The following WIF1 variants were observed in gnomAD, a reference collection of about 807,000 sequenced individuals.
WIF1 encodes the protein Wnt inhibitory factor 1.
Under a neutral mutation model 53.5 loss-of-function variants are expected in WIF1, and 35 were observed. The observed-to-expected ratio is 0.65, with a 90% CI of 0.50 to 0.87. The LOEUF is 0.87. Among genes scored for constraint, WIF1 ranks in the 40% least tolerant of loss-of-function variants. The pLI is 0.00. For missense variants in WIF1, 467 were observed against 476.8 expected (o/e 0.98, Z 0.19); for synonymous variants, 171 against 170.4 (o/e 1.00, Z -0.03).
chr12:65,120,818 AG>A, intron 1 of WIF1: 1 of 851,854 alleles, frequency 1.2e-6, no homozygotes, highest in African/African-American at 1.7e-5. Flanking sequence ...CTAAAAACGC[AG>A]GGCTATAAAA....
chr12:65,095,419 C>T (rs571605239), intron 2 of WIF1, among the ~76,000 whole-genome samples: 1 of 152,240 alleles, frequency 6.6e-6, no homozygotes, highest in South Asian at 2.1e-4. Context: ...ATTAGAAATA[C>T]TCACAATACA....
At chr12:65,087,838 G>C (rs911511716) in intron 2 of WIF1, among the ~76,000 whole-genome samples, 1 of 151,936 alleles carries the variant, frequency 6.6e-6, no homozygotes, top group Non-Finnish European at 1.5e-5. Context: ...GAAAAAAAAA[G>C]TCTGTAACCT....
chr12:65,064,270 C>T (rs1882655513), intron 6 of WIF1, among the ~76,000 whole-genome samples: 1 of 152,182 alleles, frequency 6.6e-6, no homozygotes, highest in African/African-American at 2.4e-5. Flanking sequence ...AATTTGGCCA[C>T]ACTCTTAGTA....
At chr12:65,060,995 G>GAAAAT (rs1882603087) in intron 7 of WIF1, among the ~76,000 whole-genome samples, 1 of 152,166 alleles carries the variant, frequency 6.6e-6, no homozygotes, top group South Asian at 2.1e-4. Context: ...TTACATGAAG[G>GAAAAT]AAAATGAGCC....
chr12:65,111,636 C>A, intron 2 of WIF1, among the ~76,000 whole-genome samples: 1 of 152,180 alleles, frequency 6.6e-6, no homozygotes, highest in South Asian at 2.1e-4. Flanking sequence ...CCTGGGAATA[C>A]TTCAGTACTT....
rs1030026761 is a variant in WIF1, at chr12:65,056,134, AGAG to A, written c.827-11_827-9del. On this transcript the variant is annotated splice_polypyrimidine_tract_variant and intron_variant, in intron 7 of 9. Coordinates refer to ENST00000286574, the MANE Select transcript of WIF1 (RefSeq NM_007191.5). ...AGGGTTGTGGGCATTTGCCTGAAAAAGAGAAGAATGCAGCTAAACAAGGAACCT... is the reference window on the plus strand; with the variant it reads ...AGGGTTGTGGGCATTTGCCTGAAAAAAAGAATGCAGCTAAACAAGGAACCT... 14 of 1,613,134 alleles carry A rather than the reference AGAG, an allele frequency of 8.7e-6. No homozygotes were observed. Among genetic ancestry groups the A allele is most frequent in the African/African-American group, 2.7e-5 (2 of 74,884 alleles).
chr12:65,098,934 T>A (rs936576566), intron 2 of WIF1, among the ~76,000 whole-genome samples: 1 of 152,200 alleles, frequency 6.6e-6, no homozygotes, highest in Non-Finnish European at 1.5e-5. Context: ...GTGGTTCAAC[T>A]AATCTTTAAG....
intron 2 of WIF1, among the ~76,000 whole-genome samples, chr12:65,094,539 C>T (rs549443609): frequency 6.6e-6 from 1 of 151,982 alleles, no homozygotes; most frequent in East Asian, 1.9e-4. Flanking sequence ...ATTGCCTTCG[C>T]TTTGGGAGGA....
At chr12:65,103,135 T>G (rs1007242541) in intron 2 of WIF1, among the ~76,000 whole-genome samples, 1 of 152,208 alleles carries the variant, frequency 6.6e-6, no homozygotes, top group East Asian at 1.9e-4. Context: ...AAATCTTTTG[T>G]GCGTTATAGA....
At chr12:65,120,396 G>T (rs757481702) in intron 2 of WIF1, 21 bp downstream of exon 2, 14 of 1,609,892 alleles carry the variant, frequency 8.7e-6, no homozygotes, top group African/African-American at 1.3e-5. Context: ...AATATTAAAG[G>T]GTAATTTTCT....
At chr12:65,083,862 T>TCTTTTC (rs1565754762) in intron 2 of WIF1, 1 of 418,150 alleles carries the variant, frequency 2.4e-6, no homozygotes. Flanking sequence ...TTTTCTTTTA[T>TCTTTTC]TTGCACCTCA....
intron 2 of WIF1, among the ~76,000 whole-genome samples, chr12:65,113,537 T>A (rs1408170453): frequency 6.6e-6 from 1 of 152,062 alleles, no homozygotes; most frequent in African/African-American, 2.4e-5. Context: ...CCATGTAAAT[T>A]GCCATAGAAC....
In WIF1 at chr12:65,102,152, T is replaced by G. The variant is rs543267018; in HGVS notation, c.288+18265A>C. Reference sequence around the variant, plus strand: ...AGATTTAACCTGTGCTGTCTTTTGCTTCTCTTTGATAGTAACTTCTCTCAC... The same window carrying G: ...AGATTTAACCTGTGCTGTCTTTTGCGTCTCTTTGATAGTAACTTCTCTCAC... On this transcript the variant is annotated intron_variant, in intron 2 of 9. Transcript: ENST00000286574. Among the ~76,000 whole-genome samples the G allele has an allele frequency of 8.5e-5, 13 of 152,340 alleles. No individual in the cohort carries two copies. The South Asian group carries it at 2.3e-3, about 27-fold the overall frequency.
Position 65,120,938 on chromosome 12 carries a change from G to A in WIF1, c.148+106C>T, listed in dbSNP as rs2279745. On this transcript the variant is annotated intron_variant, in intron 1 of 9. Transcript: ENST00000286574. The stretch of plus-strand genomic sequence containing the variant: ...AATTAAAAGAGGGGAACACTCTTTT[G>A]TGGAAATTAAGTTTTAAAACACAAG... 0.12 allele frequency: 157,022 copies of A among 1,310,398 alleles called. 15,574 individuals carry two copies. The highest frequency in any genetic ancestry group is 0.5 in the African/African-American group (32,940 of 65,534). The allele number at this position is 1,310,398 out of a possible 1,614,324, so 81.2% of individuals were successfully genotyped here.
chr12:65,077,876 G>A, intron 2 of WIF1, 22 bp from the exon 3 acceptor site: 1 of 1,574,960 alleles, frequency 6.3e-7, no homozygotes, highest in Non-Finnish European at 8.7e-7. Flanking sequence ...GGCACTGACA[G>A]TTAGTAACAT....
intron 2 of WIF1, among the ~76,000 whole-genome samples, chr12:65,103,449 T>A (rs955429139): frequency 1.3e-5 from 2 of 152,202 alleles, no homozygotes; most frequent in Non-Finnish European, 2.9e-5. Flanking sequence ...AGTGAATGCT[T>A]CCTCAAACTC....
Position 65,120,399 on chromosome 12 carries a change from A to G in WIF1, c.288+18T>C. 2 of 1,610,772 alleles carry G rather than the reference A, an allele frequency of 1.2e-6. No individual in the cohort carries two copies. The highest frequency in any genetic ancestry group is 1.7e-6 in the Non-Finnish European group (2 of 1,178,630). On this transcript the variant is annotated intron_variant, in intron 2 of 9. Transcript: ENST00000286574. ...TAAGGCAGTGGAAATATTAAAGGGTAATTTTCTCAGAACTTACCTGCCCTG... is the reference window on the plus strand; with the variant it reads ...TAAGGCAGTGGAAATATTAAAGGGTGATTTTCTCAGAACTTACCTGCCCTG...
chr12:65,100,524 T>C (rs983900946), intron 2 of WIF1, among the ~76,000 whole-genome samples: 5 of 152,188 alleles, frequency 3.3e-5, no homozygotes, highest in Non-Finnish European at 7.3e-5. Flanking sequence ...TATGGAGTAG[T>C]CATTACGAGC....
intron 4 of WIF1, among the ~76,000 whole-genome samples, chr12:65,068,531 C>T (rs184272920): frequency 1.8e-4 from 27 of 152,000 alleles, no homozygotes; most frequent in Admixed American, 1.3e-3. Flanking sequence ...TTTCCTATTC[C>T]TAATATTAAA....
Sources: allele counts gnomAD v4.1 joint callset (sites outside exome capture counted in the v4.1 genomes callset), GRCh38; gene constraint gnomAD v4.1.1; transcripts MANE v1.5; gene names NCBI Gene and HGNC (gene_info 2026-07-23, HGNC 2026-07-21).